Variants in MTUS2 observed in about 807,000 individuals in gnomAD.
The protein encoded by MTUS2 is microtubule-associated tumor suppressor candidate 2.
Under a neutral mutation model 114.1 loss-of-function variants are expected in MTUS2, and 40 were observed. The ratio of observed to expected loss-of-function variants is 0.35; its 90% CI spans 0.27 to 0.46. The LOEUF is 0.46. Ranked by LOEUF, MTUS2 falls within the 20% of genes least tolerant of loss-of-function variation. MTUS2 has a pLI of 1.00. For synonymous variants in MTUS2, 688 were observed against 672.0 expected (o/e 1.02, Z -0.37); for missense variants, 1,679 against 1,705.4 (o/e 0.98, Z 0.27).
At chr13:29,098,973 T>G (rs1180448819) in intron 4 of MTUS2, among the ~76,000 whole-genome samples, 1 of 152,246 alleles carries the variant, frequency 6.6e-6, no homozygotes, top group Non-Finnish European at 1.5e-5. Flanking sequence ...AGAGTATACT[T>G]ATTGTTGAAA....
Position 28,941,564 on chromosome 13 carries a change from T to TTAAA in MTUS2, c.-242-82893_-242-82892insTAAA, listed in dbSNP as rs777838559. Among the ~76,000 whole-genome samples the TTAAA allele has an allele frequency of 2.6e-5, 4 of 151,836 alleles. No homozygotes were observed. The East Asian group carries it at 5.8e-4, about 22-fold the overall frequency. ...TAAATATTTTTGAAAATTTGGTGAA[T>TTAAA]GTTTAGCTTAACAGAAGATATAGCA... On this transcript the variant is annotated intron_variant, in intron 2 of 15. Coordinates refer to ENST00000612955, the MANE Select transcript of MTUS2 (RefSeq NM_001033602.4).
At chr13:29,302,834 AC>A (rs1177732831) in intron 6 of MTUS2, among the ~76,000 whole-genome samples, 1 of 152,206 alleles carries the variant, frequency 6.6e-6, no homozygotes, top group Non-Finnish European at 1.5e-5. Flanking sequence ...GATCCCTGAT[AC>A]CATTCCTCCT....
At chr13:29,399,329 A>G (rs1429995052) in intron 8 of MTUS2, among the ~76,000 whole-genome samples, 4 of 152,110 alleles carry the variant, frequency 2.6e-5, no homozygotes, top group East Asian at 1.9e-4. Context: ...TATTACCTGT[A>G]TCTTGTGCCG....
At chr13:29,184,647 A>G (rs1026585554) in intron 5 of MTUS2, among the ~76,000 whole-genome samples, 7 of 152,188 alleles carry the variant, frequency 4.6e-5, no homozygotes, top group South Asian at 2.1e-4. Context: ...TCTCTGTCCA[A>G]TCATTAGCTG....
intron 6 of MTUS2, among the ~76,000 whole-genome samples, chr13:29,300,871 C>A (rs1899171988): frequency 6.6e-6 from 1 of 152,168 alleles, no homozygotes. Context: ...AAAATTAAGA[C>A]TGAGCGGCTT....
intron 8 of MTUS2, among the ~76,000 whole-genome samples, chr13:29,403,965 A>T (rs567939664): frequency 6.6e-6 from 1 of 150,918 alleles, no homozygotes; most frequent in South Asian, 2.1e-4. Flanking sequence ...TCTTCCTCAT[A>T]TTTTTCCCAT....
intron 5 of MTUS2, among the ~76,000 whole-genome samples, chr13:29,161,400 T>C (rs901015805): frequency 1.8e-4 from 27 of 151,692 alleles, no homozygotes; most frequent in Admixed American, 5.9e-4. Flanking sequence ...TTGATTTGTA[T>C]AAATTATATA....
intron 5 of MTUS2, 121 bp downstream of exon 5, chr13:29,101,091 C>G: frequency 9.1e-7 from 1 of 1,099,118 alleles, no homozygotes; most frequent in Non-Finnish European, 1.3e-6. Context: ...CTTAGCTTCC[C>G]ATTGTTGTGT....
intron 4 of MTUS2, among the ~76,000 whole-genome samples, chr13:29,041,261 A>G (rs1366409091): frequency 3.3e-5 from 5 of 152,080 alleles, no homozygotes; most frequent in Non-Finnish European, 7.4e-5. Context: ...GGTTGTAGGT[A>G]TTTGGCTTTA....
chr13:28,824,177 G>C (rs1874105247), intron 1 of MTUS2, among the ~76,000 whole-genome samples: 1 of 152,098 alleles, frequency 6.6e-6, no homozygotes, highest in South Asian at 2.1e-4. Context: ...TTTATCTTTT[G>C]TTCTAGCCCA....
At chr13:29,349,995 T>C (rs4146598) in intron 7 of MTUS2, among the ~76,000 whole-genome samples, 81,239 of 151,922 alleles carry the variant, frequency 0.53, 24,985 homozygotes, top group East Asian at 0.76. Flanking sequence ...ATTACACATT[T>C]ATTAGGCCTC....
At chr13:29,094,721 G>A (rs148393099) in intron 4 of MTUS2, among the ~76,000 whole-genome samples, 1 of 151,332 alleles carries the variant, frequency 6.6e-6, no homozygotes, top group African/African-American at 2.4e-5. Flanking sequence ...TCTTCTTTTG[G>A]TTTAAGTTTA....
chr13:29,479,299 C>T lies in MTUS2; in HGVS notation c.3185-851C>T, dbSNP rs567537490. On this transcript the variant is annotated intron_variant, in intron 9 of 15. Coordinates refer to ENST00000612955, the MANE Select transcript of MTUS2 (RefSeq NM_001033602.4). Reference sequence around the variant, plus strand: ...CGGTTCCATTTGACCTAGATGTAGTCGATTGTCAAGGTCTTGGAAGCAGGT... The same window carrying T: ...CGGTTCCATTTGACCTAGATGTAGTTGATTGTCAAGGTCTTGGAAGCAGGT... Among the ~76,000 whole-genome samples, 17 of 152,270 alleles carry T rather than the reference C, an allele frequency of 1.1e-4. 1 individual carries two copies. The East Asian group carries it at 1.5e-3, about 14-fold the overall frequency.
At chr13:29,491,974 G>A (rs527857093) in intron 11 of MTUS2, among the ~76,000 whole-genome samples, 185 of 146,184 alleles carry the variant, frequency 1.3e-3, no homozygotes, top group African/African-American at 4.3e-3. Context: ...TGTGATGTGT[G>A]TGGTAGGTGT....
At chr13:29,272,875 A>G (rs35903443) in intron 5 of MTUS2, among the ~76,000 whole-genome samples, 5,875 of 152,294 alleles carry the variant, frequency 0.039, 132 homozygotes, top group East Asian at 0.079. Flanking sequence ...AGTTCTGGAG[A>G]CTGTGAAGTC....
At chr13:29,366,872 A>G (rs1870765931) in intron 8 of MTUS2, among the ~76,000 whole-genome samples, 1 of 152,004 alleles carries the variant, frequency 6.6e-6, no homozygotes, top group Non-Finnish European at 1.5e-5. Context: ...TGGCTCTTGG[A>G]GTACCTTCTT....
intron 8 of MTUS2, among the ~76,000 whole-genome samples, chr13:29,437,472 T>C (rs1280298251): frequency 6.6e-6 from 1 of 152,164 alleles, no homozygotes; most frequent in Non-Finnish European, 1.5e-5. Context: ...AAATACCAAA[T>C]TTGCTTAACC....
intron 5 of MTUS2, among the ~76,000 whole-genome samples, chr13:29,145,242 A>G (rs1179269992): frequency 6.6e-6 from 1 of 152,148 alleles, no homozygotes; most frequent in Non-Finnish European, 1.5e-5. Context: ...ATAAATGAGT[A>G]AGGACACAGT....
intron 10 of MTUS2, chr13:29,483,904 C>T (rs1236689089): frequency 1.3e-5 from 2 of 152,216 alleles, no homozygotes; most frequent in Admixed American, 1.3e-4. Flanking sequence ...TTCGGCCCAG[C>T]TTCCAGCCCT....
Sources: gnomAD v4.1 joint callset for allele counts (sites outside exome capture counted in the v4.1 genomes callset) on GRCh38, gnomAD v4.1.1 for gene constraint, MANE v1.5 for transcripts, NCBI Gene and HGNC (gene_info 2026-07-23, HGNC 2026-07-21) for gene names.